The following NAALADL2 variants were observed in gnomAD, a reference collection of about 807,000 sequenced individuals.
NAALADL2 encodes the protein inactive N-acetylated-alpha-linked acidic dipeptidase-like protein 2.
NAALADL2 carries 76 observed loss-of-function variants against 87.2 expected under a neutral mutation model. The observed-to-expected ratio is 0.87, with a 90% CI of 0.72 to 1.05. NAALADL2 has a LOEUF of 1.05. Ranked by LOEUF, NAALADL2 falls within the 50% of genes least tolerant of loss-of-function variation. The pLI is 0.00. For synonymous variants in NAALADL2, 354 were observed against 331.0 expected, an observed-to-expected ratio of 1.07 and a Z score of -0.75; for missense variants, 1,089 against 945.8, an observed-to-expected ratio of 1.15 and a Z score of -1.99.
chr3:175,613,416 A>G (rs1419160438), intron 10 of NAALADL2, among the ~76,000 whole-genome samples: 1 of 152,260 alleles, frequency 6.6e-6, no homozygotes, highest in Non-Finnish European at 1.5e-5. Flanking sequence ...TGGGCAAGCG[A>G]AGATTTTAAA....
At chr3:175,303,811 T>C (rs1757368101) in intron 4 of NAALADL2, among the ~76,000 whole-genome samples, 1 of 152,220 alleles carries the variant, frequency 6.6e-6, no homozygotes, top group Non-Finnish European at 1.5e-5. Flanking sequence ...TGAAATGATG[T>C]GACTTTTCAT....
chr3:175,129,356 C>T (rs1472830978), intron 2 of NAALADL2, among the ~76,000 whole-genome samples: 4 of 152,006 alleles, frequency 2.6e-5, no homozygotes, highest in Non-Finnish European at 4.4e-5. Flanking sequence ...GTAAACAGTA[C>T]GTTATTAACT....
chr3:175,288,630 G>C (rs546345461), intron 4 of NAALADL2, among the ~76,000 whole-genome samples: 9,658 of 152,158 alleles, frequency 0.063, 968 homozygotes, highest in African/African-American at 0.21. Context: ...ACGTCCAAGT[G>C]GTTTCTCAGC....
chr3:175,100,621 T>G (rs1462293312), intron 2 of NAALADL2, among the ~76,000 whole-genome samples: 1 of 152,064 alleles, frequency 6.6e-6, no homozygotes, highest in Non-Finnish European at 1.5e-5. Context: ...GCGGATCACC[T>G]GAGGTCAGGA....
intron 11 of NAALADL2, among the ~76,000 whole-genome samples, chr3:175,640,119 G>C (rs747815236): frequency 6.6e-6 from 1 of 152,128 alleles, no homozygotes. Flanking sequence ...AAAGGTTATT[G>C]CTTTTTTGTA....
chr3:175,344,800 A>G (rs1051710829), intron 5 of NAALADL2, among the ~76,000 whole-genome samples: 2 of 152,160 alleles, frequency 1.3e-5, no homozygotes. Context: ...GTCAATTCTG[A>G]AAAACAATAA....
intron 3 of NAALADL2, among the ~76,000 whole-genome samples, chr3:175,255,210 T>G (rs573475782): frequency 6.6e-6 from 1 of 152,290 alleles, no homozygotes; most frequent in Non-Finnish European, 1.5e-5. Context: ...TTCATAGAGT[T>G]TTTACAGATA....
intron 1 of NAALADL2, among the ~76,000 whole-genome samples, chr3:174,985,810 T>G (rs952421624): frequency 1.3e-5 from 2 of 151,732 alleles, no homozygotes; most frequent in African/African-American, 4.8e-5. Flanking sequence ...AAATTAGCTG[T>G]GTGTGGTGGT....
chr3:175,788,176 C>T (rs914749796), intron 13 of NAALADL2, among the ~76,000 whole-genome samples: 1 of 149,396 alleles, frequency 6.7e-6, no homozygotes, highest in Non-Finnish European at 1.5e-5. Flanking sequence ...TCACTGCATC[C>T]TTGACCTCCC....
chr3:174,907,307 G>A (rs1733096850), intron 1 of NAALADL2, among the ~76,000 whole-genome samples: 1 of 152,086 alleles, frequency 6.6e-6, no homozygotes, highest in Non-Finnish European at 1.5e-5. Flanking sequence ...AATTACCCAA[G>A]ATGGAGCTGT....
chr3:174,926,626 A>C (rs1736081231), intron 1 of NAALADL2, among the ~76,000 whole-genome samples: 1 of 152,192 alleles, frequency 6.6e-6, no homozygotes, highest in Non-Finnish European at 1.5e-5. Context: ...GTGAAGGAGA[A>C]ATAAAATACT....
intron 5 of NAALADL2, among the ~76,000 whole-genome samples, chr3:175,394,303 G>A (rs1442989427): frequency 2.0e-5 from 3 of 152,156 alleles, no homozygotes; most frequent in South Asian, 2.1e-4. Flanking sequence ...ACCCTTGGTA[G>A]CAGAGTTGGA....
rs571735594 is a variant in NAALADL2 at position 175,776,992 on chromosome 3, A to G, written c.2189+21574A>G. On this transcript the variant is annotated intron_variant, in intron 13 of 13. Transcript: ENST00000454872. ...AATAAACTGACTACATTGTTAGAAA[A>G]CATTCTCAGGCAACTATCTCATACT... is the stretch of plus-strand genomic sequence containing the variant. 2.6e-5 allele frequency among the ~76,000 whole-genome samples: 4 copies of G among 152,002 alleles called. No individual in the cohort carries two copies. In the South Asian group the frequency reaches 8.3e-4, roughly 32 times the overall value.
At chr3:175,789,073 G>T (rs187346856) in intron 13 of NAALADL2, among the ~76,000 whole-genome samples, 5 of 152,046 alleles carry the variant, frequency 3.3e-5, no homozygotes, top group Admixed American at 2.0e-4. Flanking sequence ...AAGTATATTA[G>T]CCAAATATGC....
At chr3:175,384,098 C>G (rs985639158) in intron 5 of NAALADL2, among the ~76,000 whole-genome samples, 3 of 152,024 alleles carry the variant, frequency 2.0e-5, no homozygotes, top group Non-Finnish European at 2.9e-5. Context: ...AATGTTGAAT[C>G]TCTCTTTTCT....
At position 175,810,299 on chromosome 3, in the gene NAALADL2, A is replaced by T. The variant is rs1197678207; in HGVS notation, c.*7096A>T. The T allele has an allele frequency of 2.6e-5, 4 of 152,028 alleles. No homozygotes were observed. Among genetic ancestry groups the T allele is most frequent in the Admixed American group, 2.6e-4 (4 of 15,236 alleles). The allele number at this position is 152,028 out of a possible 1,614,324, so 9.4% of individuals were successfully genotyped here. On this transcript the variant is annotated 3_prime_UTR_variant, in exon 14 of 14. Coordinates refer to ENST00000454872, the MANE Select transcript of NAALADL2 (RefSeq NM_207015.3). ...GTGTTACTTACATGACTCAATATGC[A>T]TCTTACTTAAGAAATTATGTTGTGA... is the stretch of plus-strand genomic sequence containing the variant.
chr3:174,791,082 G>T (rs1717408215), intron 3 of NAALADL2, among the ~76,000 whole-genome samples: 1 of 152,124 alleles, frequency 6.6e-6, no homozygotes, highest in East Asian at 1.9e-4. Context: ...AAACTTCCCT[G>T]CACAAAGTAA....
At chr3:174,995,719 T>C (rs1747349676) in intron 1 of NAALADL2, among the ~76,000 whole-genome samples, 1 of 152,000 alleles carries the variant, frequency 6.6e-6, no homozygotes, top group African/African-American at 2.4e-5. Flanking sequence ...CAAGGTTGGA[T>C]ATCAATTGGA....
intron 5 of NAALADL2, among the ~76,000 whole-genome samples, chr3:175,357,143 C>T (rs926297368): frequency 1.3e-5 from 2 of 152,018 alleles, no homozygotes; most frequent in Admixed American, 1.3e-4. Flanking sequence ...TTTTTTATTC[C>T]ACTTGGCTTG....
Sources: allele counts gnomAD v4.1 joint callset (sites outside exome capture counted in the v4.1 genomes callset), GRCh38; gene constraint gnomAD v4.1.1; transcripts MANE v1.5; gene names NCBI Gene and HGNC (gene_info 2026-07-23, HGNC 2026-07-21).